Variants in EGFR observed in about 807,000 individuals in gnomAD.
The protein encoded by EGFR is avian erythroblastic leukemia viral (v-erb-b) oncogene homolog.
A neutral mutation model predicts 143.0 loss-of-function variants in EGFR; 58 were observed. The observed-to-expected ratio is 0.41, with a 90% CI of 0.33 to 0.50. EGFR has a LOEUF of 0.50. EGFR is among the 20% of genes least tolerant of loss of function. EGFR has a pLI of 0.39. For synonymous variants in EGFR, 613 were observed against 594.4 expected (o/e 1.03, Z -0.45); for missense variants, 1,307 against 1,579.0 (o/e 0.83, Z 2.92).
chr7:55,159,642 C>T (rs548582919), intron 11 of EGFR, among the ~76,000 whole-genome samples: 4 of 152,298 alleles, frequency 2.6e-5, no homozygotes, highest in African/African-American at 7.2e-5. Context: ...GATCTGCTTA[C>T]GGGGTTGTGT....
At chr7:55,088,802 T>C (rs1348486921) in intron 1 of EGFR, among the ~76,000 whole-genome samples, 1 of 152,232 alleles carries the variant, frequency 6.6e-6, no homozygotes, top group Non-Finnish European at 1.5e-5. Flanking sequence ...CCTTTGACGA[T>C]GAAAACATCA....
In EGFR at chr7:55,200,351, C is replaced by T. The variant is rs17337451; in HGVS notation, c.2884C>T (p.Arg962Cys). ...AGACGCAGATAGTCGCCCAAAGTTC[C>T]GTGAGTTGATCATCGAATTCTCCAA... ...MIDADSRPKF[R>C]ELIIEFSKMA... Residue 962 changes from arginine to cysteine, a missense_variant, in exon 24 of 28, where the codon CGT (arginine) becomes TGT (cysteine). By Grantham distance (180) the Arg-to-Cys change is radical (BLOSUM62 -3). Around this residue, in one of 7 missense-constraint regions of EGFR, gnomAD observed 348 missense variants for 451.5 expected, o/e 0.77. Coordinates refer to ENST00000275493, the MANE Select transcript of EGFR (RefSeq NM_005228.5). 7.9e-5 allele frequency: 127 copies of T among 1,614,036 alleles called. No individual in the cohort carries two copies. The highest frequency in any genetic ancestry group is 1.2e-4 in the South Asian group (11 of 91,076).
rs1793892421 is a variant in EGFR, at chr7:55,132,311, A to G, written c.89-9975A>G. Among the ~76,000 whole-genome samples, 3 of 152,286 alleles carry G rather than the reference A, an allele frequency of 2.0e-5. No individual in the cohort carries two copies. The South Asian group carries it at 6.2e-4, about 32-fold the overall frequency. On this transcript the variant is annotated intron_variant, in intron 1 of 27. Transcript: ENST00000275493. ...TCCAATCCCAATTTTTGAGTCAGAG[A>G]TCTTTTATTTCCTTGCAAATTACAT...
At chr7:55,173,476 T>G (rs1168101593) in intron 17 of EGFR, among the ~76,000 whole-genome samples, 1 of 152,212 alleles carries the variant, frequency 6.6e-6, no homozygotes. Context: ...AACACCATTG[T>G]CCACACAGTG....
intron 1 of EGFR, among the ~76,000 whole-genome samples, chr7:55,118,694 A>T (rs1793018889): frequency 6.6e-6 from 1 of 152,146 alleles, no homozygotes; most frequent in Non-Finnish European, 1.5e-5. Flanking sequence ...CATGGGTGAC[A>T]GCTCCAGGGG....
At chr7:55,069,221 T>C (rs1789686695) in intron 1 of EGFR, among the ~76,000 whole-genome samples, 1 of 152,214 alleles carries the variant, frequency 6.6e-6, no homozygotes, top group South Asian at 2.1e-4. Context: ...TTCATTCTCC[T>C]GAAACTGCTG....
At chr7:55,060,040 G>A (rs1789077992) in intron 1 of EGFR, among the ~76,000 whole-genome samples, 1 of 152,336 alleles carries the variant, frequency 6.6e-6, no homozygotes, top group Non-Finnish European at 1.5e-5. Context: ...GCACAGAGCT[G>A]ATGTGTGTTA....
chr7:55,204,056 CTAATA>C (rs1056320470), intron 27 of EGFR, among the ~76,000 whole-genome samples: 5 of 151,400 alleles, frequency 3.3e-5, no homozygotes, highest in African/African-American at 9.7e-5. Flanking sequence ...TATTGGCTAT[CTAATA>C]TAATATAAAC....
intron 1 of EGFR, among the ~76,000 whole-genome samples, chr7:55,067,447 T>C (rs1227742879): frequency 1.3e-5 from 2 of 151,484 alleles, no homozygotes; most frequent in Non-Finnish European, 2.9e-5. Flanking sequence ...AGTTACCTAC[T>C]GGTAAATGAG....
intron 1 of EGFR, among the ~76,000 whole-genome samples, chr7:55,133,081 C>T (rs967599901): frequency 5.3e-5 from 8 of 152,326 alleles, no homozygotes; most frequent in Non-Finnish European, 1.0e-4. Context: ...GAGTGAGTCA[C>T]GGGCCTGAAC....
At chr7:55,155,404 T>C (rs1210353671) in intron 7 of EGFR, among the ~76,000 whole-genome samples, 1 of 152,206 alleles carries the variant, frequency 6.6e-6, no homozygotes, top group Non-Finnish European at 1.5e-5. Context: ...ATCACACCAC[T>C]GCACTCCAGC....
At chr7:55,086,193 G>A (rs1249732693) in intron 1 of EGFR, among the ~76,000 whole-genome samples, 1 of 152,236 alleles carries the variant, frequency 6.6e-6, no homozygotes, top group South Asian at 2.1e-4. Flanking sequence ...GAGAGAGTAA[G>A]TAATTTGCTC....
chr7:55,057,735 A>G (rs577022465), intron 1 of EGFR, among the ~76,000 whole-genome samples: 12 of 152,200 alleles, frequency 7.9e-5, no homozygotes, highest in Admixed American at 2.0e-4. Context: ...TGAAGTTCCC[A>G]TGGTCTGTCC....
intron 1 of EGFR, among the ~76,000 whole-genome samples, chr7:55,085,508 CT>C (rs1301723556): frequency 5.9e-5 from 9 of 152,304 alleles, no homozygotes; most frequent in African/African-American, 2.2e-4. Flanking sequence ...GAGGAGTGTT[CT>C]TATCTCTAAA....
intron 1 of EGFR, among the ~76,000 whole-genome samples, chr7:55,042,949 A>G (rs1320940152): frequency 6.6e-6 from 1 of 152,064 alleles, no homozygotes; most frequent in South Asian, 2.1e-4. Context: ...TGTGTCATGT[A>G]TTATGTTAAA....
Position 55,157,697 on chromosome 7 carries a change from G to A in EGFR, c.1242G>A (p.Arg414=), listed in dbSNP as rs1785498288. ...TGATTCAGGCTTGGCCTGAAAACAGGACGGACCTCCATGCCTTTGAGAACC... is the reference window on the plus strand; with the variant it reads ...TGATTCAGGCTTGGCCTGAAAACAGAACGGACCTCCATGCCTTTGAGAACC... ...FLLIQAWPEN[R]TDLHAFENLE... The change falls in exon 11 of 28, where the codon AGG becomes AGA. Residue 414 remains arginine, a synonymous_variant. Transcript: ENST00000275493. 6.2e-7 allele frequency: 1 copy of A among 1,614,218 alleles called. No individual in the cohort carries two copies. Among genetic ancestry groups the A allele is most frequent in the Non-Finnish European group, 8.5e-7 (1 of 1,180,040 alleles).
intron 1 of EGFR, among the ~76,000 whole-genome samples, chr7:55,056,580 T>G (rs1447326213): frequency 6.6e-6 from 1 of 152,234 alleles, no homozygotes; most frequent in Non-Finnish European, 1.5e-5. Flanking sequence ...TTTAAATGTG[T>G]GGAAAAATAT....
At chr7:55,202,701 C>G in intron 27 of EGFR, 76 bp downstream of exon 27, 2 of 1,356,546 alleles carry the variant, frequency 1.5e-6, no homozygotes, top group Non-Finnish European at 2.1e-6. Flanking sequence ...CTCCAGTGTC[C>G]AAGCCAGGTG....
chr7:55,128,412 G>C (rs1174428601), intron 1 of EGFR, among the ~76,000 whole-genome samples: 1 of 152,174 alleles, frequency 6.6e-6, no homozygotes, highest in Non-Finnish European at 1.5e-5. Flanking sequence ...ATTTAAGAAA[G>C]TTTGCCCTTA....
Sources: allele counts gnomAD v4.1 joint callset (sites outside exome capture counted in the v4.1 genomes callset), GRCh38; gene constraint gnomAD v4.1.1; regional missense constraint gnomAD v4.1.1; transcripts MANE v1.5; gene names NCBI Gene and HGNC (gene_info 2026-07-23, HGNC 2026-07-21).